Variants in PFKP observed in about 807,000 individuals in gnomAD.
The protein encoded by PFKP is ATP-dependent 6-phosphofructokinase, platelet type.
A neutral mutation model predicts 94.3 loss-of-function variants in PFKP; 101 were observed. The ratio of observed to expected loss-of-function variants is 1.07; its 90% CI spans 0.91 to 1.26. PFKP has a LOEUF of 1.26. PFKP is among the 50% of genes most tolerant of loss of function. PFKP has a pLI of 0.00. For missense variants in PFKP, 1,145 were observed against 1,103.3 expected (o/e 1.04, Z -0.53); for synonymous variants, 573 against 432.6 (o/e 1.32, Z -4.03).
At chr10:3,134,073 A>T (rs1211974099) in intron 19 of PFKP, among the ~76,000 whole-genome samples, 1 of 152,082 alleles carries the variant, frequency 6.6e-6, no homozygotes, top group African/African-American at 2.4e-5. Context: ...ACCACCTCCT[A>T]TTCTTATACT....
At chr10:3,084,343 G>A (rs1222095768) in intron 2 of PFKP, among the ~76,000 whole-genome samples, 1 of 152,178 alleles carries the variant, frequency 6.6e-6, no homozygotes, top group African/African-American at 2.4e-5. Context: ...TGCTTTCTAA[G>A]CCATGTTTCC....
At chr10:3,107,473 G>A (rs1299140511) in intron 8 of PFKP, among the ~76,000 whole-genome samples, 164 bp downstream of exon 8, 1 of 152,216 alleles carries the variant, frequency 6.6e-6, no homozygotes, top group African/African-American at 2.4e-5. Flanking sequence ...GGGGAAACAC[G>A]CAGCTCCCGC....
chr10:3,133,834 T>G (rs193272869), intron 19 of PFKP, among the ~76,000 whole-genome samples: 1 of 152,222 alleles, frequency 6.6e-6, no homozygotes, highest in Non-Finnish European at 1.5e-5. Context: ...TCAGCTTTCA[T>G]GAAAACAGTG....
At chr10:3,135,595 C>CTGTTCTCAGTCTCA (rs1379471584) in intron 20 of PFKP, 141 bp from the exon 21 acceptor site, 18 of 594,018 alleles carry the variant, frequency 3.0e-5, no homozygotes, top group Non-Finnish European at 5.1e-5. Flanking sequence ...CACTGCGCGG[C>CTGTTCTCAGTCTCA]TGTTCTCAGT....
At chr10:3,077,283 G>C (rs375482443) in intron 1 of PFKP, among the ~76,000 whole-genome samples, 1 of 40,062 alleles carries the variant, frequency 2.5e-5, no homozygotes, top group African/African-American at 8.6e-5. Flanking sequence ...TTTTTTTTGA[G>C]ATGGAATCTC....
chr10:3,120,718 G>C (rs1588532449), intron 16 of PFKP, among the ~76,000 whole-genome samples: 1 of 152,114 alleles, frequency 6.6e-6, no homozygotes, highest in East Asian at 1.9e-4. Context: ...TGAGTGCGGT[G>C]GTGTGATCTC....
At chr10:3,106,105 A>C (rs1324432374) in intron 7 of PFKP, among the ~76,000 whole-genome samples, 1 of 152,100 alleles carries the variant, frequency 6.6e-6, no homozygotes, top group Non-Finnish European at 1.5e-5. Flanking sequence ...GCCTGTGTGC[A>C]ATACAACCTC....
chr10:3,101,352 G>C lies in PFKP; in HGVS notation c.265-13G>C, dbSNP rs760643538. The C allele has an allele frequency of 1.3e-6, 2 of 1,567,170 alleles. No homozygotes were observed. The highest frequency in any genetic ancestry group is 2.3e-5 in the South Asian group (2 of 85,746). On this transcript the variant is annotated splice_polypyrimidine_tract_variant and intron_variant, in intron 3 of 21. Coordinates refer to ENST00000381125, the MANE Select transcript of PFKP (RefSeq NM_002627.5). ...AGACTGAGAGGAGATAAATTAGCTG[G>C]TGTCTTTCCCAGGGCGGGACGATCA...
intron 17 of PFKP, among the ~76,000 whole-genome samples, chr10:3,132,157 G>A (rs1001736812): frequency 2.0e-5 from 3 of 152,114 alleles, no homozygotes; most frequent in South Asian, 2.1e-4. Flanking sequence ...GCTAGTGGCC[G>A]CCGTGAGGGC....
intron 10 of PFKP, among the ~76,000 whole-genome samples, chr10:3,111,106 A>G (rs1420638962): frequency 1.3e-5 from 2 of 150,938 alleles, no homozygotes; most frequent in Non-Finnish European, 3.0e-5. Context: ...GTATGCTTAT[A>G]TGCATGTGTG....
chr10:3,083,644 T>A (rs1588410925), intron 2 of PFKP, among the ~76,000 whole-genome samples: 1 of 46,716 alleles, frequency 2.1e-5, no homozygotes, highest in African/African-American at 7.3e-5. Context: ...TTTAACTTAT[T>A]TTATTTTATT....
chr10:3,120,529 A>C (rs1394068118), intron 16 of PFKP, among the ~76,000 whole-genome samples: 2 of 152,156 alleles, frequency 1.3e-5, no homozygotes, highest in Admixed American at 6.6e-5. Context: ...TGCATTTGTT[A>C]TCTCTCTGGT....
intron 19 of PFKP, among the ~76,000 whole-genome samples, chr10:3,134,046 G>A (rs1352850174): frequency 6.6e-6 from 1 of 152,068 alleles, no homozygotes; most frequent in African/African-American, 2.4e-5. Context: ...CTCCTAACTT[G>A]CACACACTCC....
intron 16 of PFKP, among the ~76,000 whole-genome samples, chr10:3,128,100 C>T (rs561838576): frequency 8.5e-5 from 13 of 152,142 alleles, no homozygotes; most frequent in South Asian, 2.1e-4. Context: ...TTGACCAGGA[C>T]GGACGGACGG....
intron 16 of PFKP, among the ~76,000 whole-genome samples, chr10:3,125,650 C>T (rs867633971): frequency 2.0e-5 from 3 of 152,154 alleles, no homozygotes; most frequent in Admixed American, 6.5e-5. Context: ...CACTGGGGGC[C>T]GCTGCCTGGA....
chr10:3,101,333 A>G, intron 3 of PFKP, 32 bp from the exon 4 acceptor site: 1 of 1,545,744 alleles, frequency 6.5e-7, no homozygotes, highest in Non-Finnish European at 8.8e-7. Context: ...TCTCAGACTG[A>G]GAGGAGATAA....
chr10:3,088,369 G>T (rs1833791288), intron 2 of PFKP, among the ~76,000 whole-genome samples: 1 of 152,028 alleles, frequency 6.6e-6, no homozygotes, highest in Non-Finnish European at 1.5e-5. Context: ...GTGTATATGT[G>T]CCACATTTTC....
At chr10:3,069,767 T>C (rs1311840306) in intron 1 of PFKP, among the ~76,000 whole-genome samples, 4 of 151,930 alleles carry the variant, frequency 2.6e-5, no homozygotes, top group African/African-American at 9.7e-5. Flanking sequence ...TATTGGAAAA[T>C]ATTTATGGGT....
chr10:3,131,774 T>G (rs1838617135), intron 17 of PFKP, among the ~76,000 whole-genome samples: 1 of 152,206 alleles, frequency 6.6e-6, no homozygotes, highest in Admixed American at 6.5e-5. Flanking sequence ...CTTTGTGAAA[T>G]TCTGCCATTG....
Sources: allele counts gnomAD v4.1 joint callset (sites outside exome capture counted in the v4.1 genomes callset), GRCh38; gene constraint gnomAD v4.1.1; transcripts MANE v1.5; gene names NCBI Gene and HGNC (gene_info 2026-07-23, HGNC 2026-07-21).